GALNT9: variants seen among roughly 807,000 people sequenced by gnomAD.
GALNT9 encodes the protein GalNAc transferase 9.
In GALNT9, 47 loss-of-function variants were observed where a neutral mutation model predicts 63.1. The observed-to-expected ratio is 0.75, with a 90% CI of 0.59 to 0.95. The LOEUF is 0.95. Among genes scored for constraint, GALNT9 ranks in the 40% least tolerant of loss-of-function variants. The probability of loss-of-function intolerance (pLI) is 0.00; values close to 1 mark genes in which losing one functional copy is unlikely to be tolerated. For synonymous variants in GALNT9, 396 were observed against 365.7 expected (o/e 1.08, Z -0.94); for missense variants, 829 against 874.8 (o/e 0.95, Z 0.66).
intron 4 of GALNT9, 131 bp from the exon 5 acceptor site, chr12:132,258,017 C>T: frequency 3.0e-6 from 2 of 661,912 alleles, no homozygotes; most frequent in Non-Finnish European, 5.2e-6. Context: ...CCCTGCTGAG[C>T]TAGACCCACA....
At chr12:132,216,742 C>T (rs1877215100) in intron 6 of GALNT9, among the ~76,000 whole-genome samples, 2 of 152,228 alleles carry the variant, frequency 1.3e-5, no homozygotes, top group African/African-American at 4.8e-5. Context: ...GGAGAGAAGC[C>T]GTGGCTGCTT....
chr12:132,258,811 G>A (rs1431100907), intron 4 of GALNT9, among the ~76,000 whole-genome samples: 1 of 152,222 alleles, frequency 6.6e-6, no homozygotes, highest in Admixed American at 6.5e-5. Flanking sequence ...AGACGCCATG[G>A]TCTACCGCAA....
chr12:132,214,912 C>T (rs1219796662), intron 6 of GALNT9, among the ~76,000 whole-genome samples: 4 of 152,222 alleles, frequency 2.6e-5, no homozygotes, highest in African/African-American at 4.8e-5. Flanking sequence ...GATGCACACC[C>T]GTCACAGAGG....
chr12:132,217,611 GCCATCCATCCA>G (rs1877266598), intron 6 of GALNT9, among the ~76,000 whole-genome samples: 1 of 114,784 alleles, frequency 8.7e-6, no homozygotes, highest in African/African-American at 3.6e-5. Context: ...CATCCATCCA[GCCATCCATCCA>G]TCCATTCACC....
chr12:132,283,625 A>G (rs1555241875), intron 2 of GALNT9: 2 of 152,234 alleles, frequency 1.3e-5, no homozygotes, highest in East Asian at 1.9e-4. Context: ...GGTGGAGACC[A>G]AGGTCAGCCA....
At position 132,197,253 on chromosome 12, in the gene GALNT9, T is replaced by C; in HGVS notation, c.1666A>G (p.Ser556Gly). The change falls in exon 11 of 11, where the codon AGT (serine) becomes GGT (glycine). Residue 556 changes from serine (S) to glycine (G), a missense_variant and splice_region_variant. Transcript: ENST00000328957. ...GTGGCCCGGCTCACAATGGGGCCAC[T>C]CTGTGGGGACAGGCACATCAAGTCA... ...PTQRLWDFTQ[S>G]GPIVSRATGR... The C allele has an allele frequency of 6.2e-7, 1 of 1,611,358 alleles. No homozygotes were observed. The highest frequency in any genetic ancestry group is 8.5e-7 in the Non-Finnish European group (1 of 1,179,730).
intron 2 of GALNT9, among the ~76,000 whole-genome samples, chr12:132,285,417 C>A (rs551620125): frequency 1.3e-4 from 20 of 152,370 alleles, no homozygotes; most frequent in African/African-American, 4.6e-4. Context: ...GCAACAATGC[C>A]AATTAATCTG....
At chr12:132,305,414 C>T (rs1274671654) in intron 1 of GALNT9, among the ~76,000 whole-genome samples, 1 of 68,222 alleles carries the variant, frequency 1.5e-5, no homozygotes, top group African/African-American at 7.4e-5. Flanking sequence ...CACCCTCACC[C>T]GGGCACACCC....
chr12:132,218,469 A>C (rs953134198), intron 6 of GALNT9, among the ~76,000 whole-genome samples: 2 of 152,244 alleles, frequency 1.3e-5, no homozygotes, highest in Non-Finnish European at 2.9e-5. Context: ...AATTGTGTGC[A>C]TACCTTTGAG....
chr12:132,219,855 C>A (rs1565991232), intron 6 of GALNT9, among the ~76,000 whole-genome samples: 1 of 149,692 alleles, frequency 6.7e-6, no homozygotes, highest in Non-Finnish European at 1.5e-5. Context: ...CAGGGTGACA[C>A]CCGCCCGGGA....
chr12:132,267,555 A>C (rs1879648472), intron 2 of GALNT9, among the ~76,000 whole-genome samples: 1 of 152,184 alleles, frequency 6.6e-6, no homozygotes, highest in South Asian at 2.1e-4. Flanking sequence ...GACCTTGGAG[A>C]GCCAAAGCAA....
chr12:132,240,477 T>C (rs2136898294), intron 6 of GALNT9: 2 of 386,312 alleles, frequency 5.2e-6, no homozygotes, highest in East Asian at 1.4e-4. Flanking sequence ...AGAATAGCCG[T>C]GCCCAGCTCG....
intron 2 of GALNT9, among the ~76,000 whole-genome samples, chr12:132,267,934 C>A (rs1249121943): frequency 6.6e-6 from 1 of 150,986 alleles, no homozygotes; most frequent in Non-Finnish European, 1.5e-5. Context: ...CACATGCACA[C>A]ACACACGCAC....
chr12:132,227,950 C>G (rs1192793291), intron 6 of GALNT9, among the ~76,000 whole-genome samples: 2 of 152,136 alleles, frequency 1.3e-5, no homozygotes, highest in African/African-American at 4.8e-5. Flanking sequence ...CTCCCTGCAG[C>G]CTGGAGGCCT....
rs1875576302 is a variant in GALNT9, at chr12:132,197,247, G to A, written c.1672C>T (p.Pro558Ser). The A allele has an allele frequency of 6.2e-7, 1 of 1,611,862 alleles. No homozygotes were observed. Among genetic ancestry groups the A allele is most frequent in the Non-Finnish European group, 8.5e-7 (1 of 1,179,830 alleles). ...QRLWDFTQSG[P>S]IVSRATGRCL... The stretch of plus-strand genomic sequence containing the variant: ...CGGCCCGTGGCCCGGCTCACAATGG[G>A]GCCACTCTGTGGGGACAGGCACATC... Residue 558 changes from proline to serine, a missense_variant, in exon 11 of 11, where the codon CCC becomes TCC. Coordinates refer to ENST00000328957, the MANE Select transcript of GALNT9 (RefSeq NM_001122636.2).
intron 6 of GALNT9, among the ~76,000 whole-genome samples, chr12:132,244,841 T>C (rs896459774): frequency 1.3e-5 from 2 of 149,598 alleles, no homozygotes; most frequent in Non-Finnish European, 1.5e-5. Flanking sequence ...GGCGTGGTGA[T>C]GGGGACAGGT....
chr12:132,247,711 A>G (rs1361627080), intron 6 of GALNT9, 199 bp downstream of exon 6: 13 of 845,958 alleles, frequency 1.5e-5, no homozygotes, highest in Non-Finnish European at 2.1e-5. Context: ...CCGTCCCCAG[A>G]CACCGCGGCC....
intron 1 of GALNT9, among the ~76,000 whole-genome samples, chr12:132,294,088 T>C (rs890331968): frequency 9.2e-5 from 14 of 152,248 alleles, no homozygotes; most frequent in Non-Finnish European, 1.6e-4. Flanking sequence ...GTGAATGATG[T>C]GGCTGACAGT....
At chr12:132,216,185 GAC>G (rs1466622819) in intron 6 of GALNT9, among the ~76,000 whole-genome samples, 1 of 152,154 alleles carries the variant, frequency 6.6e-6, no homozygotes, top group East Asian at 1.9e-4. Flanking sequence ...AGAGACATAA[GAC>G]AGAGACATGA....
Sources: gnomAD v4.1 joint callset for allele counts (sites outside exome capture counted in the v4.1 genomes callset) on GRCh38, gnomAD v4.1.1 for gene constraint, MANE v1.5 for transcripts, NCBI Gene and HGNC (gene_info 2026-07-23, HGNC 2026-07-21) for gene names.